The following GRIK1 variants were observed in gnomAD, a reference collection of about 807,000 sequenced individuals.
GRIK1 encodes the protein glutamate ionotropic receptor kainate type subunit 1.
A neutral mutation model predicts 105.7 loss-of-function variants in GRIK1; 69 were observed. That is an observed-to-expected ratio of 0.65 (90% CI 0.54 to 0.80). GRIK1 has a LOEUF of 0.80. Among genes scored for constraint, GRIK1 ranks in the 30% least tolerant of loss-of-function variants. GRIK1 has a pLI of 0.00. For missense variants in GRIK1, 1,109 were observed against 1,167.3 expected (o/e 0.95, Z 0.73); for synonymous variants, 438 against 431.3 (o/e 1.02, Z -0.19).
At chr21:29,559,181 A>G (rs958263893) in intron 15 of GRIK1, among the ~76,000 whole-genome samples, 2 of 152,270 alleles carry the variant, frequency 1.3e-5, no homozygotes, top group East Asian at 3.9e-4. Flanking sequence ...ATTCTGCAAA[A>G]ATTCAGGCAA....
intron 1 of GRIK1, among the ~76,000 whole-genome samples, chr21:29,936,718 A>G (rs1034496460): frequency 6.6e-6 from 1 of 152,226 alleles, no homozygotes; most frequent in Non-Finnish European, 1.5e-5. Context: ...TCACGTGTCT[A>G]TGTGAACTCA....
intron 1 of GRIK1, among the ~76,000 whole-genome samples, chr21:29,867,898 G>GAGAGAC (rs1357666694): frequency 7.3e-5 from 9 of 123,738 alleles, no homozygotes; most frequent in African/African-American, 2.9e-4. Context: ...GAGAGAGAGA[G>GAGAGAC]AGAGAAAGAA....
chr21:29,594,937 G>A (rs2061383064), intron 9 of GRIK1, among the ~76,000 whole-genome samples: 2 of 152,156 alleles, frequency 1.3e-5, no homozygotes, highest in Non-Finnish European at 2.9e-5. Context: ...TACGAGGAAA[G>A]CTTTTGGGAT....
chr21:29,676,932 T>C (rs2063279796), intron 3 of GRIK1, among the ~76,000 whole-genome samples: 1 of 152,180 alleles, frequency 6.6e-6, no homozygotes, highest in Non-Finnish European at 1.5e-5. Flanking sequence ...TATTAGCAAA[T>C]ATATATTTCT....
At chr21:29,834,297 G>A (rs997795535) in intron 1 of GRIK1, among the ~76,000 whole-genome samples, 1 of 149,016 alleles carries the variant, frequency 6.7e-6, no homozygotes, top group Non-Finnish European at 1.5e-5. Flanking sequence ...CTATTAAACA[G>A]AAGTGGCAAT....
At chr21:29,616,329 A>G (rs1255666666) in intron 7 of GRIK1, among the ~76,000 whole-genome samples, 1 of 152,196 alleles carries the variant, frequency 6.6e-6, no homozygotes, top group Non-Finnish European at 1.5e-5. Context: ...AAAAATAGTA[A>G]TGTACTTTTT....
At chr21:29,714,503 A>C (rs1488213618) in intron 1 of GRIK1, among the ~76,000 whole-genome samples, 3 of 152,170 alleles carry the variant, frequency 2.0e-5, no homozygotes, top group Non-Finnish European at 4.4e-5. Flanking sequence ...TTTGGTGCTG[A>C]AACCAGGACA....
At chr21:29,734,290 C>G (rs951718990) in intron 1 of GRIK1, among the ~76,000 whole-genome samples, 2 of 152,324 alleles carry the variant, frequency 1.3e-5, no homozygotes, top group East Asian at 3.9e-4. Context: ...CCCATTGGTC[C>G]ACTTCCCACA....
At chr21:29,638,133 CA>C (rs1300289855) in intron 7 of GRIK1, among the ~76,000 whole-genome samples, 1 of 151,770 alleles carries the variant, frequency 6.6e-6, no homozygotes, top group East Asian at 1.9e-4. Context: ...TTTTCCTGAC[CA>C]CTACCTTACA....
At position 29,560,505 on chromosome 21, in the gene GRIK1, TTCCTTC is replaced by T. The variant is rs1568815176; in HGVS notation, c.2356+1113_2356+1118del. On this transcript the variant is annotated intron_variant, in intron 15 of 17. Coordinates refer to ENST00000327783, the MANE Select transcript of GRIK1 (RefSeq NM_001330994.2). Reference sequence around the variant, plus strand: ...TCCCTTTCTTTCTTTCTTTCCTTCCTTCCTTCCTTCCTTCCTTTCTTTCTTTCTTTC... The same window carrying T: ...TCCCTTTCTTTCTTTCTTTCCTTCCTCTTCCTTCCTTTCTTTCTTTCTTTC... Among the ~76,000 whole-genome samples, 45 of 21,934 alleles carry T rather than the reference TTCCTTC, an allele frequency of 2.1e-3. 5 individuals carry two copies. Among genetic ancestry groups the T allele is most frequent in the African/African-American group, 7.4e-3 (30 of 4,040 alleles). The allele number at this position is 21,934 out of a possible 152,430, so 14.4% of individuals were successfully genotyped here. A position where few individuals can be genotyped will look rare whatever the true frequency, so the allele number is the denominator to read the frequency against.
chr21:29,578,289 T>C (rs2090942187), intron 13 of GRIK1, among the ~76,000 whole-genome samples: 2 of 152,198 alleles, frequency 1.3e-5, no homozygotes, highest in East Asian at 1.9e-4. Context: ...AAGAGTGAAG[T>C]ACAGTAGGTC....
intron 1 of GRIK1, among the ~76,000 whole-genome samples, chr21:29,774,108 T>C (rs1355482797): frequency 6.6e-6 from 1 of 152,192 alleles, no homozygotes; most frequent in African/African-American, 2.4e-5. Context: ...CCTTCCCTAC[T>C]GTACCCTTCA....
At chr21:29,854,538 G>A (rs1009341588) in intron 1 of GRIK1, among the ~76,000 whole-genome samples, 17 of 152,170 alleles carry the variant, frequency 1.1e-4, no homozygotes, top group African/African-American at 3.9e-4. Flanking sequence ...ACTATGCCTG[G>A]AATGGACTTG....
chr21:29,882,972 G>A (rs937457384), intron 1 of GRIK1, among the ~76,000 whole-genome samples: 1 of 151,940 alleles, frequency 6.6e-6, no homozygotes, highest in African/African-American at 2.4e-5. Flanking sequence ...CAGCCCCCAA[G>A]GTCCTTGAAA....
At chr21:29,787,396 A>T (rs1601696275) in intron 1 of GRIK1, among the ~76,000 whole-genome samples, 1 of 152,308 alleles carries the variant, frequency 6.6e-6, no homozygotes, top group East Asian at 1.9e-4. Flanking sequence ...CCTAATTTTC[A>T]AAGGATCCAG....
At chr21:29,732,127 CT>C (rs1298863387) in intron 1 of GRIK1, among the ~76,000 whole-genome samples, 2 of 152,130 alleles carry the variant, frequency 1.3e-5, no homozygotes, top group African/African-American at 4.8e-5. Context: ...GTAATTTAAA[CT>C]GCGTTTGGAT....
chr21:29,608,811 A>G (rs887343904), intron 7 of GRIK1, among the ~76,000 whole-genome samples: 1 of 152,176 alleles, frequency 6.6e-6, no homozygotes, highest in Non-Finnish European at 1.5e-5. Context: ...TCAAACAGTC[A>G]TTGGTATAGA....
intron 10 of GRIK1, among the ~76,000 whole-genome samples, chr21:29,589,515 G>A (rs1229056462): frequency 6.6e-6 from 1 of 150,436 alleles, no homozygotes; most frequent in Non-Finnish European, 1.5e-5. Context: ...TCCACCTCCC[G>A]GGTTCAAGCC....
chr21:29,544,640 T>C (rs2090022816), intron 16 of GRIK1, among the ~76,000 whole-genome samples: 1 of 152,210 alleles, frequency 6.6e-6, no homozygotes, highest in South Asian at 2.1e-4. Flanking sequence ...TTTGTGGATC[T>C]GTAGAAGACG....
Sources: allele counts gnomAD v4.1 joint callset (sites outside exome capture counted in the v4.1 genomes callset), GRCh38; gene constraint gnomAD v4.1.1; transcripts MANE v1.5; gene names NCBI Gene and HGNC (gene_info 2026-07-23, HGNC 2026-07-21).